FANCC: variants seen among roughly 807,000 people sequenced by gnomAD.
The protein encoded by FANCC is Fanconi anemia group C protein.
In FANCC, 55 loss-of-function variants were observed where a neutral mutation model predicts 71.3. The observed-to-expected ratio is 0.77, with a 90% confidence interval of 0.62 to 0.97. The LOEUF is 0.97. FANCC is among the 50% of genes least tolerant of loss of function. FANCC has a pLI of 0.00. For synonymous variants in FANCC, 275 were observed against 244.9 expected (o/e 1.12, Z -1.15); for missense variants, 678 against 670.9 (o/e 1.01, Z -0.12).
intron 1 of FANCC, 113 bp from the exon 2 acceptor site, chr9:95,249,482 T>C: frequency 3.3e-6 from 2 of 603,268 alleles, no homozygotes; most frequent in Non-Finnish European, 5.9e-6. Context: ...GCATGGCTTC[T>C]ATGCTGGAGC....
intron 1 of FANCC, among the ~76,000 whole-genome samples, chr9:95,304,470 G>A (rs1309469756): frequency 6.6e-6 from 1 of 151,914 alleles, no homozygotes; most frequent in African/African-American, 2.4e-5. Flanking sequence ...AGGGGGCCAG[G>A]AGTGTTGGCT....
intron 1 of FANCC, among the ~76,000 whole-genome samples, chr9:95,281,908 A>G (rs1564824371): frequency 6.6e-6 from 1 of 152,058 alleles, no homozygotes; most frequent in South Asian, 2.1e-4. Flanking sequence ...AAAGCCTATA[A>G]TAGATACACT....
intron 4 of FANCC, among the ~76,000 whole-genome samples, chr9:95,224,574 T>C (rs2135955114): frequency 6.6e-6 from 1 of 152,190 alleles, no homozygotes; most frequent in Non-Finnish European, 1.5e-5. Flanking sequence ...CCTGAAATTT[T>C]TCATCTTGCA....
chr9:95,221,648 A>G (rs1416953082), intron 4 of FANCC, among the ~76,000 whole-genome samples: 1 of 152,224 alleles, frequency 6.6e-6, no homozygotes, highest in African/African-American at 2.4e-5. Context: ...AAGGAACAGT[A>G]TCTGGAATAT....
chr9:95,243,672 T>C (rs931590842), intron 3 of FANCC, among the ~76,000 whole-genome samples: 8 of 150,678 alleles, frequency 5.3e-5, no homozygotes, highest in Admixed American at 5.3e-4. Context: ...CGGGCGCCTG[T>C]AGTCCCAGCT....
chr9:95,220,910 G>A (rs2135935841), intron 4 of FANCC, among the ~76,000 whole-genome samples: 1 of 151,838 alleles, frequency 6.6e-6, no homozygotes, highest in Middle Eastern at 3.4e-3. Flanking sequence ...AGAAATACAG[G>A]TTTGAACTTA....
chr9:95,272,232 C>T (rs1053391203), intron 1 of FANCC, among the ~76,000 whole-genome samples: 1 of 151,982 alleles, frequency 6.6e-6, no homozygotes, highest in Non-Finnish European at 1.5e-5. Context: ...GCCACCGCGC[C>T]CGGCCCCGCC....
chr9:95,261,901 G>A (rs1010321189), intron 1 of FANCC, among the ~76,000 whole-genome samples: 1 of 152,110 alleles, frequency 6.6e-6, no homozygotes, highest in Non-Finnish European at 1.5e-5. Context: ...GAAGAGGTGA[G>A]GGGCTGGGAT....
chr9:95,223,937 G>A (rs1272719357), intron 4 of FANCC, among the ~76,000 whole-genome samples: 3 of 152,174 alleles, frequency 2.0e-5, no homozygotes, highest in South Asian at 2.1e-4. Flanking sequence ...AGATCGTGCC[G>A]TTGCACTCCA....
chr9:95,247,882 C>T (rs889604822), intron 2 of FANCC, among the ~76,000 whole-genome samples: 1 of 152,112 alleles, frequency 6.6e-6, no homozygotes, highest in African/African-American at 2.4e-5. Context: ...ACTATATAAT[C>T]CCGTATCTTT....
intron 4 of FANCC, among the ~76,000 whole-genome samples, 162 bp from the exon 5 acceptor site, chr9:95,172,309 G>T (rs1825739062): frequency 6.6e-6 from 1 of 152,160 alleles, no homozygotes; most frequent in Non-Finnish European, 1.5e-5. Context: ...GTGTAAAAGA[G>T]AAATGTTAGC....
chr9:95,260,763 T>G (rs905886140), intron 1 of FANCC, among the ~76,000 whole-genome samples: 1 of 151,148 alleles, frequency 6.6e-6, no homozygotes, highest in African/African-American at 2.4e-5. Flanking sequence ...AAGGAAAAAG[T>G]ATTATAGTTT....
intron 4 of FANCC, among the ~76,000 whole-genome samples, chr9:95,181,278 GAATAA>G (rs1826348323): frequency 6.6e-6 from 1 of 151,794 alleles, no homozygotes. Flanking sequence ...TTTTTTCCCT[GAATAA>G]AATAAGTGTT....
In FANCC at chr9:95,222,485, T is replaced by G. The variant is rs181342850; in HGVS notation, c.345+18164A>C. ...GATCAGTGGCTAACTGAGACCAGAG[T>G]TGGGAGAAGGACTGACTATAAAAGG... is the stretch of plus-strand genomic sequence containing the variant. On this transcript the variant is annotated intron_variant, in intron 4 of 14. Coordinates refer to ENST00000289081, the MANE Select transcript of FANCC (RefSeq NM_000136.3). Among the ~76,000 whole-genome samples the G allele has an allele frequency of 6.4e-3, 979 of 152,076 alleles. 4 individuals carry two copies. The highest frequency in any genetic ancestry group is 0.011 in the Non-Finnish European group (735 of 67,986).
chr9:95,109,068 C>A (rs1031582894), intron 13 of FANCC, among the ~76,000 whole-genome samples: 2 of 152,112 alleles, frequency 1.3e-5, no homozygotes, highest in Admixed American at 6.5e-5. Context: ...CATTACCATA[C>A]CTGGCTAATT....
chr9:95,248,989 G>A, intron 2 of FANCC, 138 bp downstream of exon 2: 1 of 794,862 alleles, frequency 1.3e-6, no homozygotes, highest in South Asian at 1.6e-5. Context: ...ACCAGCTCTT[G>A]AGTAATTTGT....
At chr9:95,119,348 CCTT>C (rs1275920203) in intron 10 of FANCC, among the ~76,000 whole-genome samples, 1 of 143,766 alleles carries the variant, frequency 7.0e-6, no homozygotes, top group East Asian at 2.1e-4. Flanking sequence ...TTTTTCAGTT[CCTT>C]CTTTCTTCCT....
chr9:95,189,067 T>C (rs1287124388), intron 4 of FANCC, among the ~76,000 whole-genome samples: 1 of 152,226 alleles, frequency 6.6e-6, no homozygotes, highest in Non-Finnish European at 1.5e-5. Flanking sequence ...AATACGCCAA[T>C]TGCTCTAACT....
chr9:95,205,142 T>C (rs1318269266), intron 4 of FANCC, among the ~76,000 whole-genome samples: 2 of 152,234 alleles, frequency 1.3e-5, no homozygotes, highest in African/African-American at 4.8e-5. Flanking sequence ...AAGTTATTCC[T>C]TCTAAAATGT....
Sources: gnomAD v4.1 joint callset for allele counts (sites outside exome capture counted in the v4.1 genomes callset) on GRCh38, gnomAD v4.1.1 for gene constraint, MANE v1.5 for transcripts, NCBI Gene and HGNC (gene_info 2026-07-23, HGNC 2026-07-21) for gene names.